Variants in FREM1 observed in about 807,000 individuals in gnomAD.
FREM1 encodes FRAS1-related extracellular matrix protein 1.
Under a neutral mutation model 210.1 loss-of-function variants are expected in FREM1, and 220 were observed. That is an observed-to-expected ratio of 1.05 (90% CI 0.94 to 1.17). The LOEUF is 1.17. Among genes scored for constraint, FREM1 ranks in the 50% most tolerant of loss-of-function variants. The pLI is 0.00. For missense variants in FREM1, 3,454 were observed against 2,675.5 expected (o/e 1.29, Z -6.42); for synonymous variants, 1,189 against 980.2 (o/e 1.21, Z -3.98).
chr9:14,882,912 C>A (rs375023925), intron 1 of FREM1, among the ~76,000 whole-genome samples: 7 of 45,416 alleles, frequency 1.5e-4, no homozygotes, highest in Admixed American at 8.4e-4. Flanking sequence ...GACTCCATCT[C>A]AAAAAAAAAA....
At chr9:14,884,514 A>G (rs981657478) in intron 1 of FREM1, among the ~76,000 whole-genome samples, 1 of 152,266 alleles carries the variant, frequency 6.6e-6, no homozygotes, top group Non-Finnish European at 1.5e-5. Context: ...GAAAATTCAT[A>G]AAGATTTCTT....
chr9:14,773,903 A>C (rs1475297627), intron 25 of FREM1, among the ~76,000 whole-genome samples: 1 of 152,144 alleles, frequency 6.6e-6, no homozygotes. Flanking sequence ...AGACCCAGAA[A>C]AGTATCCCTG....
chr9:14,780,433 G>GAAAAAAAAAAAAAAAAAAAAAAA (rs58017285), intron 24 of FREM1, among the ~76,000 whole-genome samples: 13 of 81,536 alleles, frequency 1.6e-4, no homozygotes, highest in East Asian at 3.4e-4. Context: ...CAGCTCCTCA[G>GAAAAAAAAAAAAAAAAAAAAAAA]AAAAAAAAAA....
intron 3 of FREM1, among the ~76,000 whole-genome samples, chr9:14,860,385 T>C (rs1192748270): frequency 6.6e-6 from 1 of 151,766 alleles, no homozygotes; most frequent in Admixed American, 6.6e-5. Context: ...GGGAAGAAGC[T>C]CCTCTAACCC....
chr9:14,819,818 C>G lies in FREM1; in HGVS notation c.2338-376G>C, dbSNP rs1271977140. On this transcript the variant is annotated intron_variant, in intron 13 of 36. Transcript: ENST00000380880. ...CTGTTCAATACACATACAGCTTAGT[C>G]TAAAAAATACACAAAATCTATGTCA... 7.2e-5 allele frequency among the ~76,000 whole-genome samples: 11 copies of G among 152,146 alleles called. No individual in the cohort carries two copies. In the South Asian group the frequency reaches 2.3e-3, roughly 32 times the overall value.
rs1434754167 is a variant in FREM1 at position 14,770,638 on chromosome 9, G to A, written c.5026C>T (p.Pro1676Ser). The A allele has an allele frequency of 1.2e-6, 2 of 1,613,158 alleles. No homozygotes were observed. The highest frequency in any genetic ancestry group is 8.5e-7 in the Non-Finnish European group (1 of 1,179,490). The change falls in exon 26 of 37, where the codon CCA becomes TCA. Residue 1676 changes from proline (P) to serine (S), a missense_variant. Physicochemically the swap from Pro to Ser is moderately conservative, Grantham distance 74. Coordinates refer to ENST00000380880, the MANE Select transcript of FREM1 (RefSeq NM_001379081.2). ...DQIIFKILQG[P>S]KHGHLENTTT... is the part of the protein sequence containing the mutation. ...GTGTTCTCCAGATGTCCATGTTTTG[G>A]GCCTTGTAGAATTTTAAAGATGATC...
chr9:14,750,099 G>C, intron 30 of FREM1, 28 bp downstream of exon 30: 2 of 1,611,422 alleles, frequency 1.2e-6, no homozygotes, highest in Non-Finnish European at 1.7e-6. Flanking sequence ...GACCGCTCCT[G>C]ATTTCAAGAT....
intron 24 of FREM1, among the ~76,000 whole-genome samples, chr9:14,778,507 C>CTGAGGTGGAAGGATCACT (rs1247601879): frequency 6.9e-5 from 10 of 144,018 alleles, no homozygotes; most frequent in African/African-American, 2.6e-5. Flanking sequence ...ACTAGGGAGG[C>CTGAGGTGGAAGGATCACT]TGAGGTGGAA....
intron 26 of FREM1, 80 bp from the exon 27 acceptor site, chr9:14,769,948 T>C: frequency 4.5e-6 from 3 of 666,752 alleles, no homozygotes; most frequent in Non-Finnish European, 7.3e-6. Context: ...ATGGCTATTT[T>C]ATTTTAAACA....
rs1364462345 is a variant in FREM1, at chr9:14,747,289, G to A, written c.5984C>T (p.Thr1995Ile). The stretch of plus-strand genomic sequence containing the variant: ...CTGTCTGGGGAAGTGTGAGTCAGTT[G>A]TGGATTCCACCTTATCTGCTTGAGG... ...ELPQADKVES[T>I]TDSHFPRQDQ... is the part of the protein sequence containing the mutation. Residue 1995 changes from threonine (T) to isoleucine (I), a missense_variant, in exon 33 of 37, where the codon ACA (threonine) becomes ATA (isoleucine). Coordinates refer to ENST00000380880, the MANE Select transcript of FREM1 (RefSeq NM_001379081.2). The A allele has an allele frequency of 2.5e-6, 4 of 1,613,110 alleles. No individual in the cohort carries two copies. In the African/African-American group the frequency reaches 4.0e-5, roughly 16 times the overall value.
At chr9:14,847,931 T>C (rs1826988188) in intron 7 of FREM1, among the ~76,000 whole-genome samples, 1 of 152,222 alleles carries the variant, frequency 6.6e-6, no homozygotes, top group Non-Finnish European at 1.5e-5. Flanking sequence ...AAATCAAGGC[T>C]GCTCACCTGA....
At chr9:14,907,581 G>C (rs1189959797) in intron 1 of FREM1, among the ~76,000 whole-genome samples, 1 of 152,210 alleles carries the variant, frequency 6.6e-6, no homozygotes, top group Non-Finnish European at 1.5e-5. Context: ...ACCTGGCGCA[G>C]GGAAACAGCC....
At chr9:14,758,359 A>G (rs1293523675) in intron 28 of FREM1, among the ~76,000 whole-genome samples, 3 of 152,114 alleles carry the variant, frequency 2.0e-5, no homozygotes, top group African/African-American at 7.2e-5. Flanking sequence ...TCCAGCCTAG[A>G]GCATATGGTG....
At chr9:14,739,016 A>AAAG (rs1235669314) in intron 36 of FREM1, among the ~76,000 whole-genome samples, 6 of 151,412 alleles carry the variant, frequency 4.0e-5, no homozygotes, top group African/African-American at 1.5e-4. Context: ...TCTCAAAAAA[A>AAAG]AAAAAAAAAA....
rs763347337 is a variant in FREM1, at chr9:14,851,582, T to C, written c.854A>G (p.Tyr285Cys). Residue 285 changes from tyrosine to cysteine, a missense_variant, in exon 6 of 37, where the codon TAT becomes TGT. Transcript: ENST00000380880. ...CTGATTCGGAATTCCAGCTCTGATA[T>C]AGACAGGCAGCCACGCACTCTCTGA... The part of the protein sequence containing the change: ...YKSESAWLPV[Y>C]IRAGIPNQIP... 22 of 1,613,642 alleles carry C rather than the reference T, an allele frequency of 1.4e-5. No homozygotes were observed. The highest frequency in any genetic ancestry group is 7.7e-5 in the South Asian group (7 of 91,078).
intron 35 of FREM1, 134 bp downstream of exon 35, chr9:14,746,219 C>T (rs908937242): frequency 1.6e-6 from 1 of 612,738 alleles, no homozygotes; most frequent in East Asian, 2.8e-5. Context: ...TCCCTCAGGG[C>T]TCCTAAAACA....
chr9:14,846,138 A>G (rs1211016433), intron 7 of FREM1, 47 bp from the exon 8 acceptor site: 1 of 1,470,038 alleles, frequency 6.8e-7, no homozygotes, highest in Non-Finnish European at 9.3e-7. Flanking sequence ...GACTGGATAA[A>G]GAAAATGAGG....
At chr9:14,805,537 G>A (rs1588092689) in intron 18 of FREM1, among the ~76,000 whole-genome samples, 1 of 152,148 alleles carries the variant, frequency 6.6e-6, no homozygotes, top group East Asian at 1.9e-4. Flanking sequence ...TCACGTAAAC[G>A]CAAAACAAGA....
chr9:14,804,352 GAGGC>G (rs1288790501), intron 19 of FREM1, among the ~76,000 whole-genome samples: 1 of 152,144 alleles, frequency 6.6e-6, no homozygotes, highest in Non-Finnish European at 1.5e-5. Flanking sequence ...TTGGAAGGCC[GAGGC>G]GGGCGGATCA....
Sources: gnomAD v4.1 joint callset for allele counts (sites outside exome capture counted in the v4.1 genomes callset) on GRCh38, gnomAD v4.1.1 for gene constraint, MANE v1.5 for transcripts, NCBI Gene and HGNC (gene_info 2026-07-23, HGNC 2026-07-21) for gene names.